The following CDH13 variants were observed in gnomAD, a reference collection of about 807,000 sequenced individuals.
CDH13 encodes cadherin 13.
A neutral mutation model predicts 63.8 loss-of-function variants in CDH13; 24 were observed. That is an observed-to-expected ratio of 0.38 (90% CI 0.27 to 0.53). The LOEUF is 0.53. CDH13 is among the 20% of genes least tolerant of loss of function. The pLI, the probability that CDH13 is intolerant of heterozygous loss-of-function variation, is 0.85. For synonymous variants in CDH13, 503 were observed against 355.3 expected (o/e 1.42, Z -4.67); for missense variants, 1,049 against 903.1 (o/e 1.16, Z -2.07).
intron 1 of CDH13, among the ~76,000 whole-genome samples, chr16:82,668,685 G>A (rs1912895892): frequency 6.6e-6 from 1 of 152,154 alleles, no homozygotes; most frequent in Non-Finnish European, 1.5e-5. Context: ...AGTTCTGAGT[G>A]ATTCTGATGT....
chr16:83,706,650 G>A (rs1907103317), intron 10 of CDH13, among the ~76,000 whole-genome samples: 1 of 152,106 alleles, frequency 6.6e-6, no homozygotes, highest in African/African-American at 2.4e-5. Context: ...GCAAGCCATG[G>A]AAACCAAACC....
intron 2 of CDH13, among the ~76,000 whole-genome samples, chr16:82,913,349 A>G (rs7186187): frequency 0.045 from 6,839 of 152,138 alleles, 470 homozygotes; most frequent in African/African-American, 0.16. Flanking sequence ...TTCCCACAGG[A>G]GCATGTGTCG....
intron 3 of CDH13, among the ~76,000 whole-genome samples, chr16:83,051,615 C>G (rs1242470688): frequency 6.6e-6 from 1 of 152,208 alleles, no homozygotes; most frequent in Non-Finnish European, 1.5e-5. Context: ...GCTCTGTTAT[C>G]TGGATTTCAT....
intron 9 of CDH13, among the ~76,000 whole-genome samples, chr16:83,677,068 G>T (rs1915014431): frequency 6.6e-6 from 1 of 152,182 alleles, no homozygotes; most frequent in South Asian, 2.1e-4. Flanking sequence ...TTAGCTGTTT[G>T]TTCCAGTAAG....
chr16:82,997,562 A>C (rs1228809975), intron 2 of CDH13, among the ~76,000 whole-genome samples: 1 of 152,178 alleles, frequency 6.6e-6, no homozygotes, highest in African/African-American at 2.4e-5. Context: ...CCTTCCCCTA[A>C]TCCCACCCAG....
At chr16:83,594,534 G>A (rs907453935) in intron 7 of CDH13, among the ~76,000 whole-genome samples, 3 of 152,170 alleles carry the variant, frequency 2.0e-5, no homozygotes, top group African/African-American at 7.2e-5. Context: ...AAAGGAGCAG[G>A]AATTCACCTG....
intron 3 of CDH13, among the ~76,000 whole-genome samples, chr16:83,080,871 G>GTTTTTTTTTTTGTTTTTTT (rs2033185148): frequency 6.4e-4 from 30 of 46,952 alleles, no homozygotes; most frequent in Non-Finnish European, 9.2e-4. Flanking sequence ...TTGTTTTTGT[G>GTTTTTTTTTTTGTTTTTTT]TTTTTTTTTT....
chr16:83,599,821 C>T (rs1907610779), intron 7 of CDH13, among the ~76,000 whole-genome samples: 1 of 152,000 alleles, frequency 6.6e-6, no homozygotes, highest in African/African-American at 2.4e-5. Flanking sequence ...AAATAAGTAA[C>T]AATGTTTTAT....
chr16:83,658,331 CCCA>C (rs1480151069), intron 8 of CDH13, among the ~76,000 whole-genome samples: 57 of 47,142 alleles, frequency 1.2e-3, no homozygotes, highest in African/African-American at 2.4e-3. Flanking sequence ...CCAGCAAGGT[CCCA>C]TATCCTCACC....
At chr16:83,466,591 C>T (rs2073322601) in intron 6 of CDH13, among the ~76,000 whole-genome samples, 1 of 152,304 alleles carries the variant, frequency 6.6e-6, no homozygotes, top group African/African-American at 2.4e-5. Flanking sequence ...CTTCATCAAC[C>T]CAAAACTCAG....
chr16:83,490,847 A>T (rs1286435535), intron 7 of CDH13, among the ~76,000 whole-genome samples: 2 of 152,174 alleles, frequency 1.3e-5, no homozygotes, highest in Non-Finnish European at 1.5e-5. Context: ...TTTCCATTAC[A>T]CGCTCATCCA....
intron 10 of CDH13, among the ~76,000 whole-genome samples, chr16:83,744,257 C>T (rs1419377482): frequency 6.6e-6 from 1 of 152,174 alleles, no homozygotes; most frequent in East Asian, 1.9e-4. Context: ...TTTACCAGTG[C>T]ATGTGCCTCG....
chr16:82,876,181 G>C (rs1202271020), intron 2 of CDH13, among the ~76,000 whole-genome samples: 1 of 152,150 alleles, frequency 6.6e-6, no homozygotes, highest in Non-Finnish European at 1.5e-5. Flanking sequence ...GATTTGGGTG[G>C]GGAGACAGCT....
chr16:83,565,942 T>G (rs1342986199), intron 7 of CDH13, among the ~76,000 whole-genome samples: 1 of 152,244 alleles, frequency 6.6e-6, no homozygotes, highest in Non-Finnish European at 1.5e-5. Context: ...ATCTTTCTTC[T>G]TTCAGCACCC....
At chr16:83,060,083 C>A (rs142240189) in intron 3 of CDH13, among the ~76,000 whole-genome samples, 1 of 152,036 alleles carries the variant, frequency 6.6e-6, no homozygotes, top group Non-Finnish European at 1.5e-5. Context: ...CGTGAGCCAC[C>A]GCACCCGGCC....
At chr16:82,788,066 T>C (rs1008129642) in intron 1 of CDH13, among the ~76,000 whole-genome samples, 1 of 152,086 alleles carries the variant, frequency 6.6e-6, no homozygotes, top group African/African-American at 2.4e-5. Context: ...GAATAATAAG[T>C]CAGTGCTCTC....
intron 1 of CDH13, among the ~76,000 whole-genome samples, chr16:82,740,230 A>G (rs2033867568): frequency 6.6e-6 from 1 of 152,168 alleles, no homozygotes; most frequent in Admixed American, 6.5e-5. Context: ...CAGAATCAAT[A>G]GTTGATTGAT....
rs1189607989 is a variant in CDH13, at chr16:82,976,009, C to T, written c.158-56001C>T. ...ATTGCATAAACGACGGAAAACAGCA[C>T]GGTAAGGATTCTGTGTTGTGAAGAG... On this transcript the variant is annotated intron_variant, in intron 2 of 13. Coordinates refer to ENST00000567109, the MANE Select transcript of CDH13 (RefSeq NM_001257.5). Among the ~76,000 whole-genome samples the T allele has an allele frequency of 6.6e-5, 10 of 152,088 alleles. No homozygotes were observed. The South Asian group carries it at 8.3e-4, about 13-fold the overall frequency.
chr16:83,070,849 T>C (rs977095860), intron 3 of CDH13, among the ~76,000 whole-genome samples: 1 of 109,610 alleles, frequency 9.1e-6, no homozygotes, highest in South Asian at 3.1e-4. Context: ...ACTACAGTAA[T>C]AAACAGCCCC....
Sources: allele counts gnomAD v4.1 joint callset (sites outside exome capture counted in the v4.1 genomes callset), GRCh38; gene constraint gnomAD v4.1.1; transcripts MANE v1.5; gene names NCBI Gene and HGNC (gene_info 2026-07-23, HGNC 2026-07-21).